TMEM106B: variants seen among roughly 807,000 people sequenced by gnomAD.
TMEM106B encodes transmembrane protein 106B.
A neutral mutation model predicts 31.1 loss-of-function variants in TMEM106B; 15 were observed. That is an observed-to-expected ratio of 0.48 (90% CI 0.32 to 0.74). TMEM106B has a LOEUF of 0.74. TMEM106B is among the 30% of genes least tolerant of loss of function. The pLI is 0.03. For missense variants in TMEM106B, 283 were observed against 327.3 expected, an observed-to-expected ratio of 0.86 and a Z score of 1.04; for synonymous variants, 126 against 112.5, an observed-to-expected ratio of 1.12 and a Z score of -0.76.
At chr7:12,230,945 A>C in intron 6 of TMEM106B, 117 bp from the exon 7 acceptor site, 2 of 659,196 alleles carry the variant, frequency 3.0e-6, no homozygotes, top group Non-Finnish European at 5.0e-6. Context: ...GAAAATTCTC[A>C]ACCAACAAAT....
chr7:12,234,356 CAG>C lies in TMEM106B; in HGVS notation c.*2383_*2384del, dbSNP rs1464298309. Reference sequence around the variant, plus strand: ...TATCTACTTTTAGTGGAGTTTGAGTCAGAAAAAAACAAGAATTTGAAACAAGT... The same window carrying C: ...TATCTACTTTTAGTGGAGTTTGAGTCAAAAAAACAAGAATTTGAAACAAGT... On this transcript the variant is annotated 3_prime_UTR_variant, in exon 8 of 8. Coordinates refer to ENST00000396668, the MANE Select transcript of TMEM106B (RefSeq NM_001134232.2). 6.6e-6 allele frequency: 1 copy of C among 150,978 alleles called. No homozygotes were observed. Among genetic ancestry groups the C allele is most frequent in the Admixed American group, 6.6e-5 (1 of 15,132 alleles). 9.4% of individuals were successfully genotyped at this position (150,978 alleles called of 1,614,324 possible).
rs535174115 is a variant in TMEM106B, at chr7:12,238,751, T to C, written c.*6776T>C. 1.3e-5 allele frequency: 2 copies of C among 152,090 alleles called. No homozygotes were observed. Among genetic ancestry groups the C allele is most frequent in the Non-Finnish European group, 2.9e-5 (2 of 67,994 alleles). 9.4% of individuals were successfully genotyped at this position (152,090 alleles called of 1,614,324 possible). A position where few individuals can be genotyped will look rare whatever the true frequency, so the allele number is the denominator to read the frequency against. On this transcript the variant is annotated 3_prime_UTR_variant, in exon 8 of 8. Coordinates refer to ENST00000396668, the MANE Select transcript of TMEM106B (RefSeq NM_001134232.2). ...ACATTGTCAATGAGTAGTAATACTTTGAAAGGAATTTTTTTTTCCAAGCAG... is the reference window on the plus strand; with the variant it reads ...ACATTGTCAATGAGTAGTAATACTTCGAAAGGAATTTTTTTTTCCAAGCAG...
chr7:12,234,787 C>CT lies in TMEM106B; in HGVS notation c.*2817dup, dbSNP rs35337387. Reference sequence around the variant, plus strand: ...TCTGTATGTTGATAGCACATTGGCCCTTTTTAGAGTTCTTTCCTATGTTTT... The same window carrying CT: ...TCTGTATGTTGATAGCACATTGGCCCTTTTTTAGAGTTCTTTCCTATGTTTT... On this transcript the variant is annotated 3_prime_UTR_variant, in exon 8 of 8. Coordinates refer to ENST00000396668, the MANE Select transcript of TMEM106B (RefSeq NM_001134232.2). The CT allele has an allele frequency of 0.51, 76,925 of 151,428 alleles. 20,616 individuals carry two copies. The highest frequency in any genetic ancestry group is 0.66 in the African/African-American group (27,473 of 41,366). The allele number at this position is 151,428 out of a possible 1,614,324, so 9.4% of individuals were successfully genotyped here. A position where few individuals can be genotyped will look rare whatever the true frequency, so the allele number is the denominator to read the frequency against.
At position 12,233,303 on chromosome 7, in the gene TMEM106B, G is replaced by A. The variant is rs1241870784; in HGVS notation, c.*1328G>A. 2 of 149,120 alleles carry A rather than the reference G, an allele frequency of 1.3e-5. No individual in the cohort carries two copies. The highest frequency in any genetic ancestry group is 6.7e-5 in the Admixed American group (1 of 14,902). 9.2% of individuals were successfully genotyped at this position (149,120 alleles called of 1,614,324 possible). On this transcript the variant is annotated 3_prime_UTR_variant, in exon 8 of 8. Transcript: ENST00000396668. Reference sequence around the variant, plus strand: ...CATTTAAAATATGTACTAAGTGTAGGAGTGGTTATGATACCAAAAAATGTA... The same window carrying A: ...CATTTAAAATATGTACTAAGTGTAGAAGTGGTTATGATACCAAAAAATGTA...
At chr7:12,224,563 A>G (rs1488297658) in intron 4 of TMEM106B, among the ~76,000 whole-genome samples, 178 bp downstream of exon 4, 2 of 152,196 alleles carry the variant, frequency 1.3e-5, no homozygotes, top group African/African-American at 2.4e-5. Flanking sequence ...AATAGCAATA[A>G]TAAATACTGG....
intron 1 of TMEM106B, among the ~76,000 whole-genome samples, chr7:12,213,215 T>C (rs536187815): frequency 8.3e-4 from 127 of 152,346 alleles, no homozygotes; most frequent in African/African-American, 2.8e-3. Context: ...TGTTCTAAAT[T>C]TTGCTGCTTT....
Position 12,243,076 on chromosome 7 carries a change from T to C in TMEM106B, c.*11101T>C, listed in dbSNP as rs1782261278. 1 of 152,060 alleles carries C rather than the reference T, an allele frequency of 6.6e-6. No homozygotes were observed. Among genetic ancestry groups the C allele is most frequent in the Admixed American group, 6.5e-5 (1 of 15,270 alleles). The allele number at this position is 152,060 out of a possible 1,614,324, so 9.4% of individuals were successfully genotyped here. ...TTTTTACAGAATCTTTAAAAAAGCT[T>C]TAATATTTTCAAGGTTTTTTATTTA... On this transcript the variant is annotated 3_prime_UTR_variant, in exon 8 of 8. Coordinates refer to ENST00000396668, the MANE Select transcript of TMEM106B (RefSeq NM_001134232.2).
chr7:12,218,606 A>G, intron 3 of TMEM106B, 85 bp downstream of exon 3: 1 of 1,088,844 alleles, frequency 9.2e-7, no homozygotes, highest in Non-Finnish European at 1.3e-6. Flanking sequence ...TAACTAGTTA[A>G]AACTATTAAA....
At chr7:12,214,425 T>G (rs971714947) in intron 1 of TMEM106B, 1 of 158,706 alleles carries the variant, frequency 6.3e-6, no homozygotes, top group East Asian at 1.8e-4. Context: ...CCAATTGCCA[T>G]TAGGAAATCT....
chr7:12,226,284 A>G (rs1366911128), intron 4 of TMEM106B, among the ~76,000 whole-genome samples: 2 of 152,092 alleles, frequency 1.3e-5, no homozygotes, highest in Admixed American at 6.6e-5. Context: ...GCCTTGTAGT[A>G]TAGTTTGAAG....
chr7:12,221,092 G>GTGTGTGTGTA lies in TMEM106B; in HGVS notation c.281+2580_281+2581insATGTGTGTGT, dbSNP rs1481335710. ...GGGAGTGGATAAGCAAGTAAAGTGTGTGTGTGTGTGTGTGTGTGTCTGTAT... is the reference window on the plus strand; with the variant it reads ...GGGAGTGGATAAGCAAGTAAAGTGTGTGTGTGTGTATGTGTGTGTGTGTGTGTGTCTGTAT... On this transcript the variant is annotated intron_variant, in intron 3 of 7. Coordinates refer to ENST00000396668, the MANE Select transcript of TMEM106B (RefSeq NM_001134232.2). 8.6e-5 allele frequency among the ~76,000 whole-genome samples: 13 copies of GTGTGTGTGTA among 151,716 alleles called. No homozygotes were observed. In the South Asian group the frequency reaches 2.7e-3, roughly 32 times the overall value.
In TMEM106B at chr7:12,239,629, G is replaced by C. The variant is rs1028566531; in HGVS notation, c.*7654G>C. On this transcript the variant is annotated 3_prime_UTR_variant, in exon 8 of 8. Transcript: ENST00000396668. ...AGATATGTGACTCTTCCTTTTACTT[G>C]AACAGTTAGAGGCTATTGTAGGATT... 1 of 152,024 alleles carries C rather than the reference G, an allele frequency of 6.6e-6. No individual in the cohort carries two copies. Among genetic ancestry groups the C allele is most frequent in the African/African-American group, 2.4e-5 (1 of 41,390 alleles). The allele number at this position is 152,024 out of a possible 1,614,324, so 9.4% of individuals were successfully genotyped here.
In TMEM106B at chr7:12,238,623, A is replaced by G. The variant is rs1272891139; in HGVS notation, c.*6648A>G. ...CTTATATAGTAAGATTCAAAAGTCAAATTTACTCCCTGATCCATGGCTGCA... is the reference window on the plus strand; with the variant it reads ...CTTATATAGTAAGATTCAAAAGTCAGATTTACTCCCTGATCCATGGCTGCA... On this transcript the variant is annotated 3_prime_UTR_variant, in exon 8 of 8. Transcript: ENST00000396668. 3.3e-5 allele frequency: 5 copies of G among 152,294 alleles called. No individual in the cohort carries two copies. Among genetic ancestry groups the G allele is most frequent in the South Asian group, 4.1e-4 (2 of 4,828 alleles). The allele number at this position is 152,294 out of a possible 1,614,324, so 9.4% of individuals were successfully genotyped here.
chr7:12,220,228 T>A (rs1781761614), intron 3 of TMEM106B, among the ~76,000 whole-genome samples: 1 of 152,154 alleles, frequency 6.6e-6, no homozygotes, highest in Non-Finnish European at 1.5e-5. Flanking sequence ...TTAGGATTAA[T>A]CCCTTTATAA....
intron 3 of TMEM106B, among the ~76,000 whole-genome samples, chr7:12,222,621 A>T (rs192419274): frequency 1.3e-5 from 2 of 152,328 alleles, no homozygotes; most frequent in African/African-American, 4.8e-5. Flanking sequence ...GGTGTGTTAT[A>T]GATACTATAA....
chr7:12,213,643 A>C (rs1452017090), intron 1 of TMEM106B, among the ~76,000 whole-genome samples: 1 of 152,232 alleles, frequency 6.6e-6, no homozygotes, highest in African/African-American at 2.4e-5. Context: ...CATTCTCATC[A>C]TAAGCATGAT....
rs1205501305 is a variant in TMEM106B, at chr7:12,234,340, T to TAAG, written c.*2365_*2366insAAG. On this transcript the variant is annotated 3_prime_UTR_variant, in exon 8 of 8. Transcript: ENST00000396668. ...TTAATTTTTTTTATTATATCTACTT[T>TAAG]TAGTGGAGTTTGAGTCAGAAAAAAA... 6.6e-6 allele frequency: 1 copy of TAAG among 151,808 alleles called. No homozygotes were observed. Among genetic ancestry groups the TAAG allele is most frequent in the East Asian group, 1.9e-4 (1 of 5,190 alleles). 9.4% of individuals were successfully genotyped at this position (151,808 alleles called of 1,614,324 possible). A position where few individuals can be genotyped will look rare whatever the true frequency, so the allele number is the denominator to read the frequency against.
chr7:12,221,092 G>GTGTGTGTC (rs1781776575), intron 3 of TMEM106B, among the ~76,000 whole-genome samples: 1 of 151,598 alleles, frequency 6.6e-6, no homozygotes, highest in African/African-American at 2.4e-5. Flanking sequence ...AGTAAAGTGT[G>GTGTGTGTC]TGTGTGTGTG....
intron 6 of TMEM106B, 34 bp from the exon 7 acceptor site, chr7:12,231,028 C>A (rs767812324): frequency 2.8e-6 from 4 of 1,453,806 alleles, no homozygotes; most frequent in Non-Finnish European, 2.8e-6. Context: ...AATGTAGTAA[C>A]TTGCATTTGT....
Sources: allele counts gnomAD v4.1 joint callset (sites outside exome capture counted in the v4.1 genomes callset), GRCh38; gene constraint gnomAD v4.1.1; transcripts MANE v1.5; gene names NCBI Gene and HGNC (gene_info 2026-07-23, HGNC 2026-07-21).